Variants in MDH2 observed in about 807,000 individuals in gnomAD.
MDH2 encodes the protein malate dehydrogenase, mitochondrial.
In MDH2, 25 loss-of-function variants were observed where a neutral mutation model predicts 33.6. The ratio of observed to expected loss-of-function variants is 0.74; its 90% CI spans 0.54 to 1.04. The LOEUF is 1.04. MDH2 is among the 50% of genes least tolerant of loss of function. The probability of loss-of-function intolerance (pLI) is 0.00; values close to 1 mark genes in which losing one functional copy is unlikely to be tolerated. For missense variants in MDH2, 432 were observed against 445.0 expected, an observed-to-expected ratio of 0.97 and a Z score of 0.26; for synonymous variants, 193 against 188.7, an observed-to-expected ratio of 1.02 and a Z score of -0.19.
chr7:76,056,039 G>A (rs1438775489), intron 2 of MDH2, among the ~76,000 whole-genome samples: 26 of 152,088 alleles, frequency 1.7e-4, no homozygotes, highest in Admixed American at 1.6e-3. Context: ...TGTTGGCCAG[G>A]CTGGTCTAGA....
At chr7:76,049,775 A>G (rs1797552439) in intron 1 of MDH2, among the ~76,000 whole-genome samples, 1 of 152,210 alleles carries the variant, frequency 6.6e-6, no homozygotes, top group African/African-American at 2.4e-5. Flanking sequence ...TAAAATAGTG[A>G]TGAACATGCA....
At chr7:76,049,404 C>T (rs1489408439) in intron 1 of MDH2, among the ~76,000 whole-genome samples, 1 of 152,084 alleles carries the variant, frequency 6.6e-6, no homozygotes, top group Non-Finnish European at 1.5e-5. Context: ...CTGGGTGCTG[C>T]AGGGGATACC....
At chr7:76,049,957 G>A (rs1340832448) in intron 1 of MDH2, among the ~76,000 whole-genome samples, 9 of 152,070 alleles carry the variant, frequency 5.9e-5, no homozygotes, top group Non-Finnish European at 1.2e-4. Flanking sequence ...TCAGCCTCCC[G>A]AATAGCTGGG....
Position 76,064,885 on chromosome 7 carries a change from G to C in MDH2, c.817G>C (p.Val273Leu). The C allele has an allele frequency of 6.2e-7, 1 of 1,614,188 alleles. No homozygotes were observed. The highest frequency in any genetic ancestry group is 1.1e-5 in the South Asian group (1 of 91,090). ...TGCAATGAATGGAAAGGAAGGTGTT[G>C]TGGAATGTTCCTTCGTTAAGTCACA... The part of the protein sequence containing the change: ...VDAMNGKEGV[V>L]ECSFVKSQET... Residue 273 changes from valine (V) to leucine (L), a missense_variant, in exon 8 of 9, where the codon GTG becomes CTG. Coordinates refer to ENST00000315758, the MANE Select transcript of MDH2 (RefSeq NM_005918.4).
chr7:76,048,901 T>C, intron 1 of MDH2: 1 of 1,049,628 alleles, frequency 9.5e-7, no homozygotes, highest in Non-Finnish European at 1.1e-6. Flanking sequence ...ATGGTGGTTC[T>C]TAAACTCTGC....
In MDH2 at chr7:76,067,080, C is replaced by G. The variant is rs1446598274; in HGVS notation, c.*670C>G. On this transcript the variant is annotated 3_prime_UTR_variant, in exon 9 of 9. Coordinates refer to ENST00000315758, the MANE Select transcript of MDH2 (RefSeq NM_005918.4). ...TTTGGGACAGCCCAAACCCCAGCCGCTGTGTCAAGGCCTAGGACGCCATGC... is the reference window on the plus strand; with the variant it reads ...TTTGGGACAGCCCAAACCCCAGCCGGTGTGTCAAGGCCTAGGACGCCATGC... The G allele has an allele frequency of 6.6e-6, 1 of 152,258 alleles. No individual in the cohort carries two copies. The highest frequency in any genetic ancestry group is 2.4e-5 in the African/African-American group (1 of 41,444). The allele number at this position is 152,258 out of a possible 1,614,324, so 9.4% of individuals were successfully genotyped here. A position where few individuals can be genotyped will look rare whatever the true frequency, so the allele number is the denominator to read the frequency against.
intron 1 of MDH2, among the ~76,000 whole-genome samples, chr7:76,053,524 T>C (rs1797680981): frequency 6.6e-6 from 1 of 152,224 alleles, no homozygotes; most frequent in Admixed American, 6.5e-5. Context: ...TTGTATATGC[T>C]TCCACAGTTT....
In MDH2 at chr7:76,066,515, C is replaced by T. The variant is rs1406517393; in HGVS notation, c.*105C>T. On this transcript the variant is annotated 3_prime_UTR_variant, in exon 9 of 9. Transcript: ENST00000315758. ...TTTTAATTTGCTTTGGTGATGATTA[C>T]TGTATTGACATCATCATGCCTTCCA... The T allele has an allele frequency of 1.0e-5, 14 of 1,389,726 alleles. No homozygotes were observed. The highest frequency in any genetic ancestry group is 5.0e-5 in the East Asian group (2 of 39,890). The allele number at this position is 1,389,726 out of a possible 1,614,324, so 86.1% of individuals were successfully genotyped here.
intron 5 of MDH2, among the ~76,000 whole-genome samples, chr7:76,060,797 T>C (rs1026072075): frequency 1.3e-5 from 2 of 151,974 alleles, no homozygotes; most frequent in Non-Finnish European, 2.9e-5. Flanking sequence ...GTGGCTGGAC[T>C]TGGACGGGGC....
At chr7:76,057,543 G>T (rs566940440) in intron 3 of MDH2, 50 bp downstream of exon 3, 15 of 1,559,144 alleles carry the variant, frequency 9.6e-6, no homozygotes, top group African/African-American at 8.2e-5. Context: ...AAGATGTGGG[G>T]ATTAAATCCA....
intron 4 of MDH2, among the ~76,000 whole-genome samples, chr7:76,059,592 C>T (rs1797884587): frequency 6.6e-6 from 1 of 152,222 alleles, no homozygotes; most frequent in African/African-American, 2.4e-5. Context: ...CCTCACTGCT[C>T]CTTCCTGGCG....
Position 76,057,496 on chromosome 7 carries a change from T to C in MDH2, c.319+3T>C. 1 of 1,614,028 alleles carries C rather than the reference T, an allele frequency of 6.2e-7. No homozygotes were observed. The highest frequency in any genetic ancestry group is 8.5e-7 in the Non-Finnish European group (1 of 1,179,992). The stretch of plus-strand genomic sequence containing the variant: ...GGCTGGAGTCCCCAGAAAGCCAGGT[T>C]TGTGTTTGAAAGCCTTGTCTGGTAC... On this transcript the variant is annotated splice_donor_region_variant and intron_variant, in intron 3 of 8. Transcript: ENST00000315758.
Position 76,064,458 on chromosome 7 carries a change from C to A in MDH2, c.733+20C>A. On this transcript the variant is annotated intron_variant, in intron 7 of 8. Coordinates refer to ENST00000315758, the MANE Select transcript of MDH2 (RefSeq NM_005918.4). The stretch of plus-strand genomic sequence containing the variant: ...GAGCAGGTAGAGTCTCAGGCAGCCC[C>A]GGGGCTGGGTGCCAGTGAGGCCCTG... 1 of 1,599,980 alleles carries A rather than the reference C, an allele frequency of 6.3e-7. No homozygotes were observed. The highest frequency in any genetic ancestry group is 2.3e-5 in the East Asian group (1 of 44,422).
intron 4 of MDH2, 111 bp downstream of exon 4, chr7:76,058,189 G>A: frequency 4.0e-6 from 4 of 999,008 alleles, no homozygotes; most frequent in East Asian, 2.6e-5. Context: ...GGGGGGATGG[G>A]GGGATACACA....
intron 2 of MDH2, among the ~76,000 whole-genome samples, chr7:76,056,664 T>C (rs1554586324): frequency 6.6e-6 from 1 of 152,178 alleles, no homozygotes; most frequent in African/African-American, 2.4e-5. Flanking sequence ...GAAATAGTAA[T>C]ATTTAGAGTC....
At chr7:76,065,688 T>C (rs782162201) in intron 8 of MDH2, among the ~76,000 whole-genome samples, 15 of 151,840 alleles carry the variant, frequency 9.9e-5, no homozygotes, top group Non-Finnish European at 1.9e-4. Context: ...GGGGAAGCAG[T>C]AGGAGGGAAT....
intron 2 of MDH2, among the ~76,000 whole-genome samples, 170 bp from the exon 3 acceptor site, chr7:76,057,240 G>A (rs1378143422): frequency 1.3e-5 from 2 of 152,178 alleles, no homozygotes; most frequent in Non-Finnish European, 2.9e-5. Flanking sequence ...TTCCTGCCAC[G>A]GGAATTGTCA....
intron 5 of MDH2, among the ~76,000 whole-genome samples, chr7:76,062,954 T>G (rs573064419): frequency 6.6e-6 from 1 of 152,194 alleles, no homozygotes; most frequent in South Asian, 2.1e-4. Context: ...GTACCTCCAG[T>G]TTAAGAAATG....
intron 2 of MDH2, among the ~76,000 whole-genome samples, chr7:76,055,830 A>T (rs1313740054): frequency 3.3e-4 from 47 of 141,966 alleles, no homozygotes; most frequent in African/African-American, 1.0e-3. Flanking sequence ...ATGTCACCAA[A>T]TTTTTTTTTT....
Sources: gnomAD v4.1 joint callset for allele counts (sites outside exome capture counted in the v4.1 genomes callset) on GRCh38, gnomAD v4.1.1 for gene constraint, MANE v1.5 for transcripts, NCBI Gene and HGNC (gene_info 2026-07-23, HGNC 2026-07-21) for gene names.